The following PPP3CB variants were observed in gnomAD, a reference collection of about 807,000 sequenced individuals.
PPP3CB encodes the protein protein phosphatase 3 catalytic subunit beta, also known as serine/threonine-protein phosphatase 2B catalytic subunit beta isoform.
In PPP3CB, 8 loss-of-function variants were observed where a neutral mutation model predicts 66.4. The observed-to-expected ratio is 0.12, with a 90% confidence interval of 0.07 to 0.22. PPP3CB has a LOEUF of 0.22. Among genes scored for constraint, PPP3CB ranks in the 10% least tolerant of loss-of-function variants. The pLI is 1.00. For synonymous variants in PPP3CB, 208 were observed against 221.2 expected (o/e 0.94, Z 0.53); for missense variants, 319 against 642.5 (o/e 0.50, Z 5.44).
chr10:73,441,276 G>C (rs2056143564), intron 12 of PPP3CB, among the ~76,000 whole-genome samples: 1 of 152,170 alleles, frequency 6.6e-6, no homozygotes, highest in South Asian at 2.1e-4. Flanking sequence ...ACTGAATAAA[G>C]GAAGAGTTAA....
intron 1 of PPP3CB, among the ~76,000 whole-genome samples, chr10:73,482,771 C>T (rs1200114621): frequency 2.0e-5 from 3 of 151,794 alleles, no homozygotes. Context: ...GCACCCGCCA[C>T]CACACCCGGC....
At chr10:73,484,335 T>G (rs2056935536) in intron 1 of PPP3CB, among the ~76,000 whole-genome samples, 1 of 151,934 alleles carries the variant, frequency 6.6e-6, no homozygotes, top group South Asian at 2.1e-4. Context: ...AGTGGCGCAA[T>G]CTCTGCTCAC....
chr10:73,491,919 A>G (rs2057084094), intron 1 of PPP3CB, among the ~76,000 whole-genome samples: 1 of 152,136 alleles, frequency 6.6e-6, no homozygotes, highest in African/African-American at 2.4e-5. Flanking sequence ...GTGAGCCGAG[A>G]TTGCGCCATT....
At chr10:73,487,408 C>T (rs752551577) in intron 1 of PPP3CB, among the ~76,000 whole-genome samples, 17 of 151,310 alleles carry the variant, frequency 1.1e-4, no homozygotes, top group Non-Finnish European at 1.9e-4. Flanking sequence ...ATTAGCGGGG[C>T]GTGGTGGCAG....
intron 12 of PPP3CB, among the ~76,000 whole-genome samples, chr10:73,441,721 T>A (rs1564546301): frequency 6.6e-6 from 1 of 152,172 alleles, no homozygotes; most frequent in Non-Finnish European, 1.5e-5. Context: ...CCACATATAT[T>A]TCCCATATAG....
intron 12 of PPP3CB, 92 bp from the exon 13 acceptor site, chr10:73,439,993 A>G: frequency 7.8e-7 from 1 of 1,276,990 alleles, no homozygotes; most frequent in Non-Finnish European, 1.1e-6. Flanking sequence ...CACTTAAAAT[A>G]TCACAGTATC....
chr10:73,481,495 A>C (rs1406529185), intron 1 of PPP3CB, among the ~76,000 whole-genome samples: 1 of 151,200 alleles, frequency 6.6e-6, no homozygotes, highest in East Asian at 1.9e-4. Flanking sequence ...ATACATATAT[A>C]TATCTCTGAG....
At chr10:73,472,633 GACT>G (rs1252943937) in intron 4 of PPP3CB, among the ~76,000 whole-genome samples, 1 of 151,388 alleles carries the variant, frequency 6.6e-6, no homozygotes, top group African/African-American at 2.5e-5. Flanking sequence ...AAGAGTCAAT[GACT>G]ACTTTATTCT....
chr10:73,463,811 A>C (rs140853896), intron 9 of PPP3CB, among the ~76,000 whole-genome samples: 7,070 of 150,120 alleles, frequency 0.047, 503 homozygotes, highest in African/African-American at 0.16. Flanking sequence ...AATTTTTTGT[A>C]TTTTTAGTAG....
chr10:73,448,525 A>G (rs2056295383), intron 10 of PPP3CB: 3 of 413,944 alleles, frequency 7.2e-6, no homozygotes. Context: ...ACTAACACAG[A>G]TAAAACTTAA....
At chr10:73,489,676 A>C (rs2057041159) in intron 1 of PPP3CB, among the ~76,000 whole-genome samples, 1 of 152,192 alleles carries the variant, frequency 6.6e-6, no homozygotes, top group Admixed American at 6.5e-5. Context: ...TTGTGCTTTT[A>C]ATCATCCAGG....
At chr10:73,475,846 C>T (rs2056776247) in intron 3 of PPP3CB, among the ~76,000 whole-genome samples, 1 of 151,968 alleles carries the variant, frequency 6.6e-6, no homozygotes, top group African/African-American at 2.4e-5. Context: ...TAATCATATG[C>T]AAAAAGAAAA....
intron 12 of PPP3CB, among the ~76,000 whole-genome samples, chr10:73,442,761 G>A (rs2056169660): frequency 6.6e-6 from 1 of 151,222 alleles, no homozygotes; most frequent in Admixed American, 6.6e-5. Context: ...CATTCAGAAT[G>A]AAAATTTATA....
intron 5 of PPP3CB, 59 bp from the exon 6 acceptor site, chr10:73,471,268 TG>T: frequency 6.6e-7 from 1 of 1,505,340 alleles, no homozygotes; most frequent in Non-Finnish European, 9.0e-7. Context: ...GGATAAAATG[TG>T]CATAGGAAAA....
intron 1 of PPP3CB, among the ~76,000 whole-genome samples, chr10:73,491,402 T>C (rs2057076893): frequency 1.3e-5 from 2 of 152,090 alleles, no homozygotes; most frequent in African/African-American, 4.8e-5. Context: ...TGACCTCAAG[T>C]GATCCCCCCG....
chr10:73,474,139 T>C (rs562283323), intron 4 of PPP3CB, among the ~76,000 whole-genome samples: 117 of 152,070 alleles, frequency 7.7e-4, no homozygotes, highest in African/African-American at 2.7e-3. Context: ...GCCTCCCAGG[T>C]TCAAGTGATT....
chr10:73,448,572 GACAT>G, intron 10 of PPP3CB: 1 of 527,582 alleles, frequency 1.9e-6, no homozygotes, highest in South Asian at 1.4e-5. Flanking sequence ...ACTCTGCATA[GACAT>G]TACTCAATGA....
chr10:73,446,436 A>G, intron 11 of PPP3CB, 56 bp downstream of exon 11: 2 of 1,518,912 alleles, frequency 1.3e-6, no homozygotes, highest in South Asian at 2.2e-5. Context: ...TGCTTGTAAC[A>G]AGGTACAATA....
chr10:73,472,233 G>C (rs755830806), intron 4 of PPP3CB, among the ~76,000 whole-genome samples: 1 of 152,168 alleles, frequency 6.6e-6, no homozygotes, highest in Non-Finnish European at 1.5e-5. Context: ...GGTGGCTCAC[G>C]CCTGTAATCC....
Sources: allele counts gnomAD v4.1 joint callset (sites outside exome capture counted in the v4.1 genomes callset), GRCh38; gene constraint gnomAD v4.1.1; transcripts MANE v1.5; gene names NCBI Gene and HGNC (gene_info 2026-07-23, HGNC 2026-07-21).